NRG3: variants seen among roughly 807,000 people sequenced by gnomAD.
The protein encoded by NRG3 is pro-neuregulin-3, membrane-bound isoform.
Under a neutral mutation model 66.9 loss-of-function variants are expected in NRG3, and 31 were observed. That is an observed-to-expected ratio of 0.46 (90% CI 0.35 to 0.63). The LOEUF is 0.63. Ranked by LOEUF, NRG3 falls within the 20% of genes least tolerant of loss-of-function variation. The probability of loss-of-function intolerance (pLI) is 0.00; values close to 1 mark genes in which losing one functional copy is unlikely to be tolerated. For missense variants in NRG3, 910 were observed against 878.9 expected, an observed-to-expected ratio of 1.04 and a Z score of -0.45; for synonymous variants, 393 against 359.4, an observed-to-expected ratio of 1.09 and a Z score of -1.06.
chr10:82,456,894 C>T (rs1453291064), intron 2 of NRG3, among the ~76,000 whole-genome samples: 1 of 152,132 alleles, frequency 6.6e-6, no homozygotes, highest in Non-Finnish European at 1.5e-5. Flanking sequence ...TGGTCCACGC[C>T]AGCATCCTTT....
At chr10:82,327,479 T>A (rs998792095) in intron 1 of NRG3, among the ~76,000 whole-genome samples, 2 of 152,240 alleles carry the variant, frequency 1.3e-5, no homozygotes, top group South Asian at 4.1e-4. Context: ...TTTACATGAA[T>A]GTCCTTCACT....
chr10:82,018,675 G>A (rs550802143), intron 1 of NRG3, among the ~76,000 whole-genome samples: 1 of 152,200 alleles, frequency 6.6e-6, no homozygotes, highest in South Asian at 2.1e-4. Flanking sequence ...GGATCCCTAG[G>A]TATTGTATTC....
At chr10:82,100,003 T>TAAA (rs2066628352) in intron 1 of NRG3, among the ~76,000 whole-genome samples, 1 of 124,176 alleles carries the variant, frequency 8.1e-6, no homozygotes, top group South Asian at 2.8e-4. Flanking sequence ...ATATATATAA[T>TAAA]TTAAAAAAAC....
chr10:82,076,998 G>A (rs2133374655), intron 1 of NRG3, among the ~76,000 whole-genome samples: 1 of 152,236 alleles, frequency 6.6e-6, no homozygotes, highest in Admixed American at 6.5e-5. Context: ...AATCCCCATT[G>A]TTTTTTGATC....
At chr10:81,920,420 G>A (rs1027028570) in intron 1 of NRG3, among the ~76,000 whole-genome samples, 21 of 152,102 alleles carry the variant, frequency 1.4e-4, no homozygotes, top group Middle Eastern at 3.4e-3. Context: ...CCACCACTAG[G>A]GGGCCTCCCT....
intron 4 of NRG3, among the ~76,000 whole-genome samples, chr10:82,900,795 C>T (rs946409331): frequency 1.3e-5 from 2 of 152,098 alleles, no homozygotes; most frequent in Non-Finnish European, 2.9e-5. Flanking sequence ...ATCCTAAAGG[C>T]TAAAGCCTTT....
chr10:82,178,031 T>G (rs1239222732), intron 1 of NRG3, among the ~76,000 whole-genome samples: 1 of 152,146 alleles, frequency 6.6e-6, no homozygotes, highest in Non-Finnish European at 1.5e-5. Flanking sequence ...TTTGCTTATG[T>G]GGGTCTTACC....
At chr10:82,307,396 C>T (rs566076492) in intron 1 of NRG3, among the ~76,000 whole-genome samples, 4 of 152,174 alleles carry the variant, frequency 2.6e-5, no homozygotes, top group Non-Finnish European at 5.9e-5. Flanking sequence ...GATTAAGAGA[C>T]AGAATTTGAC....
chr10:82,809,044 G>C (rs1263243877), intron 3 of NRG3, among the ~76,000 whole-genome samples: 1 of 152,166 alleles, frequency 6.6e-6, no homozygotes, highest in Non-Finnish European at 1.5e-5. Flanking sequence ...TGACTGAGAG[G>C]AGGCGATGGT....
rs192414112 is a variant in NRG3, at chr10:82,382,654, G to A, written c.953+23786G>A. ...ATACTATTTTATTGATCCAGCAGTC[G>A]AAACCGATATTAAATATGTTAAAGC... On this transcript the variant is annotated intron_variant, in intron 2 of 8. Coordinates refer to ENST00000372141, the MANE Select transcript of NRG3 (RefSeq NM_001010848.4). 9.0e-4 allele frequency among the ~76,000 whole-genome samples: 136 copies of A among 151,870 alleles called. 1 individual carries two copies. The highest frequency in any genetic ancestry group is 3.1e-3 in the South Asian group (15 of 4,812).
At chr10:81,940,314 T>G (rs1303935810) in intron 1 of NRG3, among the ~76,000 whole-genome samples, 1 of 152,062 alleles carries the variant, frequency 6.6e-6, no homozygotes, top group African/African-American at 2.4e-5. Context: ...CATCCTTTGT[T>G]TCCTTATTTA....
At chr10:82,945,455 T>C (rs974931234) in intron 4 of NRG3, among the ~76,000 whole-genome samples, 5 of 152,144 alleles carry the variant, frequency 3.3e-5, no homozygotes, top group African/African-American at 1.2e-4. Flanking sequence ...ATGGGTACTT[T>C]ATTTTGAAAA....
intron 1 of NRG3, among the ~76,000 whole-genome samples, chr10:81,881,001 C>G (rs1842130393): frequency 6.6e-6 from 1 of 152,130 alleles, no homozygotes; most frequent in East Asian, 1.9e-4. Flanking sequence ...ATATCACAAT[C>G]AAAACTTACC....
intron 1 of NRG3, among the ~76,000 whole-genome samples, chr10:82,329,655 G>A (rs2082047524): frequency 6.6e-6 from 1 of 152,010 alleles, no homozygotes; most frequent in Non-Finnish European, 1.5e-5. Flanking sequence ...TGGCCACATA[G>A]GATAATCTGT....
At chr10:82,235,998 A>G (rs528138450) in intron 1 of NRG3, among the ~76,000 whole-genome samples, 1 of 152,092 alleles carries the variant, frequency 6.6e-6, no homozygotes, top group East Asian at 1.9e-4. Flanking sequence ...ACACACACAC[A>G]GACACAGACA....
Position 82,576,328 on chromosome 10 carries a change from T to G in NRG3, c.954-162249T>G, listed in dbSNP as rs539763641. Among the ~76,000 whole-genome samples, 3 of 151,728 alleles carry G rather than the reference T, an allele frequency of 2.0e-5. No individual in the cohort carries two copies. In the East Asian group the frequency reaches 5.8e-4, roughly 30 times the overall value. ...CTGTACATACTTTTCCCCCATGTAC[T>G]TCTTTTCCCTTATATTCCACTGTGC... On this transcript the variant is annotated intron_variant, in intron 2 of 8. Coordinates refer to ENST00000372141, the MANE Select transcript of NRG3 (RefSeq NM_001010848.4).
At chr10:82,431,507 A>G (rs1003699003) in intron 2 of NRG3, among the ~76,000 whole-genome samples, 4 of 152,202 alleles carry the variant, frequency 2.6e-5, no homozygotes, top group African/African-American at 7.2e-5. Flanking sequence ...ACAAATGTCA[A>G]GAGTAATAAC....
chr10:82,170,069 T>G (rs928832856), intron 1 of NRG3, among the ~76,000 whole-genome samples: 2 of 152,114 alleles, frequency 1.3e-5, no homozygotes, highest in African/African-American at 4.8e-5. Flanking sequence ...GTTCTTTAAT[T>G]CTCTGAACTG....
At chr10:82,723,681 C>T (rs2134544991) in intron 2 of NRG3, among the ~76,000 whole-genome samples, 1 of 152,084 alleles carries the variant, frequency 6.6e-6, no homozygotes, top group South Asian at 2.1e-4. Flanking sequence ...AATGATTTGT[C>T]TTTAAAAACA....
Sources: allele counts gnomAD v4.1 joint callset (sites outside exome capture counted in the v4.1 genomes callset), GRCh38; gene constraint gnomAD v4.1.1; transcripts MANE v1.5; gene names NCBI Gene and HGNC (gene_info 2026-07-23, HGNC 2026-07-21).